Variants in ASB3 observed in about 807,000 individuals in gnomAD.
The protein encoded by ASB3 is ankyrin repeat and SOCS box protein 3.
Under a neutral mutation model 54.5 loss-of-function variants are expected in ASB3, and 41 were observed. The observed-to-expected ratio is 0.75, with a 90% CI of 0.59 to 0.98. ASB3 has a LOEUF of 0.98. Among genes scored for constraint, ASB3 ranks in the 50% least tolerant of loss-of-function variants. The pLI is 0.00. For missense variants in ASB3, 733 were observed against 620.0 expected (o/e 1.18, Z -1.94); for synonymous variants, 266 against 221.2 (o/e 1.20, Z -1.80).
At chr2:53,703,467 G>T (rs1026698289) in intron 7 of ASB3, among the ~76,000 whole-genome samples, 1 of 152,138 alleles carries the variant, frequency 6.6e-6, no homozygotes, top group African/African-American at 2.4e-5. Context: ...ATAAGGAAGA[G>T]AAAACTTAAA....
rs576157736 is a variant in ASB3, at chr2:53,712,776, G to A, written c.980+1608C>T. On this transcript the variant is annotated intron_variant, in intron 7 of 9. Coordinates refer to ENST00000263634, the MANE Select transcript of ASB3 (RefSeq NM_016115.5). ...CACACACACACACACACAGGCGCGC[G>A]CGCGCGCGCAATCCAAAATCATTAT... 4.6e-5 allele frequency among the ~76,000 whole-genome samples: 7 copies of A among 152,116 alleles called. No individual in the cohort carries two copies. The East Asian group carries it at 5.8e-4, about 13-fold the overall frequency.
intron 2 of ASB3, among the ~76,000 whole-genome samples, chr2:53,754,054 G>A (rs888471856): frequency 1.1e-4 from 16 of 151,990 alleles, no homozygotes; most frequent in Non-Finnish European, 1.9e-4. Flanking sequence ...CACACTGTAG[G>A]TCCAAAAAGT....
chr2:53,777,322 C>T (rs545081137), intron 1 of ASB3, among the ~76,000 whole-genome samples: 1 of 152,352 alleles, frequency 6.6e-6, no homozygotes, highest in African/African-American at 2.4e-5. Context: ...CACTTCCTCA[C>T]TGAACCCAAA....
intron 9 of ASB3, among the ~76,000 whole-genome samples, chr2:53,676,795 G>C (rs1431048512): frequency 1.3e-5 from 2 of 152,128 alleles, no homozygotes; most frequent in African/African-American, 2.4e-5. Context: ...TTTTGAGACG[G>C]AGTCTCACTC....
Position 53,693,214 on chromosome 2 carries a change from G to C in ASB3, c.1369+670C>G, listed in dbSNP as rs530405265. On this transcript the variant is annotated intron_variant, in intron 9 of 9. Transcript: ENST00000263634. ...AAAATAAATCTGAAAAAGTAAATAG[G>C]GATACTTTGCATATGTTATGTTCAG... 3.8e-4 allele frequency among the ~76,000 whole-genome samples: 58 copies of C among 152,048 alleles called. No homozygotes were observed. In the South Asian group the frequency reaches 0.012, roughly 31 times the overall value.
chr2:53,730,558 T>C (rs777312481), intron 3 of ASB3, among the ~76,000 whole-genome samples: 2 of 152,306 alleles, frequency 1.3e-5, no homozygotes, highest in Non-Finnish European at 2.9e-5. Flanking sequence ...TCTGGGTATA[T>C]ACCCAGTAAC....
intron 9 of ASB3, among the ~76,000 whole-genome samples, chr2:53,675,792 T>C (rs1426894532): frequency 6.6e-6 from 1 of 152,210 alleles, no homozygotes; most frequent in East Asian, 1.9e-4. Flanking sequence ...TGATATATAC[T>C]ACTTTTCACA....
At chr2:53,714,336 C>T (rs1385595352) in intron 7 of ASB3, 48 bp downstream of exon 7, 2 of 1,598,132 alleles carry the variant, frequency 1.3e-6, no homozygotes, top group Non-Finnish European at 1.7e-6. Flanking sequence ...AACACATCTC[C>T]ATACAGCAAA....
chr2:53,711,218 A>G (rs1402089418), intron 7 of ASB3, among the ~76,000 whole-genome samples: 2 of 152,294 alleles, frequency 1.3e-5, no homozygotes, highest in Non-Finnish European at 2.9e-5. Context: ...TCATATGCAC[A>G]ATTAGGGTAT....
At chr2:53,762,770 G>A (rs1038703768) in intron 2 of ASB3, among the ~76,000 whole-genome samples, 5 of 152,056 alleles carry the variant, frequency 3.3e-5, no homozygotes, top group African/African-American at 1.2e-4. Flanking sequence ...TGTTATCTGT[G>A]CTAATATGTT....
chr2:53,676,106 G>T (rs909424150), intron 9 of ASB3, among the ~76,000 whole-genome samples: 2 of 152,128 alleles, frequency 1.3e-5, no homozygotes, highest in Non-Finnish European at 2.9e-5. Flanking sequence ...TGAGCTTAAG[G>T]GTTCTTTTAT....
chr2:53,689,372 A>G (rs1468757199), intron 9 of ASB3, among the ~76,000 whole-genome samples: 1 of 152,222 alleles, frequency 6.6e-6, no homozygotes, highest in African/African-American at 2.4e-5. Context: ...AAGTGACTTA[A>G]TGATATGTTA....
intron 3 of ASB3, among the ~76,000 whole-genome samples, chr2:53,730,085 G>A (rs746276464): frequency 6.6e-6 from 1 of 151,972 alleles, no homozygotes; most frequent in Non-Finnish European, 1.5e-5. Flanking sequence ...AAATGTAAAC[G>A]TTCTTACTTA....
chr2:53,687,182 T>A (rs1396797222), intron 9 of ASB3, among the ~76,000 whole-genome samples: 1 of 152,064 alleles, frequency 6.6e-6, no homozygotes, highest in Non-Finnish European at 1.5e-5. Context: ...CAAGAGGCTA[T>A]GTGAAGTTAA....
intron 9 of ASB3, among the ~76,000 whole-genome samples, chr2:53,684,261 A>G (rs1668524724): frequency 6.6e-6 from 1 of 152,220 alleles, no homozygotes; most frequent in South Asian, 2.1e-4. Flanking sequence ...GGCACTAACT[A>G]ACACTACAGA....
At chr2:53,717,026 G>T (rs952659587) in intron 5 of ASB3, among the ~76,000 whole-genome samples, 2 of 152,100 alleles carry the variant, frequency 1.3e-5, no homozygotes, top group African/African-American at 4.8e-5. Context: ...AGACCAGCCT[G>T]GGCAACATAG....
At chr2:53,781,148 C>G (rs1674620839) in intron 1 of ASB3, among the ~76,000 whole-genome samples, 1 of 152,104 alleles carries the variant, frequency 6.6e-6, no homozygotes, top group African/African-American at 2.4e-5. Flanking sequence ...TGGCTCACAC[C>G]TGTAATCCCA....
chr2:53,757,361 C>A (rs374495436), intron 2 of ASB3, among the ~76,000 whole-genome samples: 96 of 152,290 alleles, frequency 6.3e-4, no homozygotes, highest in South Asian at 2.9e-3. Flanking sequence ...CTGGGGAGGC[C>A]GAGGGCCGAC....
intron 9 of ASB3, among the ~76,000 whole-genome samples, chr2:53,692,480 C>T (rs991732756): frequency 6.6e-6 from 1 of 152,118 alleles, no homozygotes; most frequent in Non-Finnish European, 1.5e-5. Flanking sequence ...CTTGAATCTT[C>T]AGCCAAAATA....
Sources: gnomAD v4.1 joint callset for allele counts (sites outside exome capture counted in the v4.1 genomes callset) on GRCh38, gnomAD v4.1.1 for gene constraint, MANE v1.5 for transcripts, NCBI Gene and HGNC (gene_info 2026-07-23, HGNC 2026-07-21) for gene names.